The following ORC3 variants were observed in gnomAD, a reference collection of about 807,000 sequenced individuals.
ORC3 encodes homolog of latheo, Drosophila.
In ORC3, 78 loss-of-function variants were observed where a neutral mutation model predicts 100.7. That is an observed-to-expected ratio of 0.77 (90% CI 0.65 to 0.94). The LOEUF is 0.94. ORC3 is among the 40% of genes least tolerant of loss of function. The pLI is 0.00. For synonymous variants in ORC3, 295 were observed against 289.3 expected (o/e 1.02, Z -0.20); for missense variants, 789 against 823.9 (o/e 0.96, Z 0.52).
chr6:87,668,440 G>T (rs936517653), downstream of ORC3, among the ~76,000 whole-genome samples: 2 of 152,124 alleles, frequency 1.3e-5, no homozygotes, highest in African/African-American at 4.8e-5. Context: ...AACCCAAAAT[G>T]CTCCAGTGAG....
intron 17 of ORC3, 98 bp downstream of exon 17, chr6:87,663,242 A>G: frequency 3.2e-6 from 3 of 931,592 alleles, no homozygotes; most frequent in Non-Finnish European, 4.8e-6. Flanking sequence ...TAATGAGCAG[A>G]GAGTCGGCAA....
At chr6:87,604,574 T>G (rs1778195241) in intron 4 of ORC3, among the ~76,000 whole-genome samples, 1 of 152,238 alleles carries the variant, frequency 6.6e-6, no homozygotes, top group Non-Finnish European at 1.5e-5. Flanking sequence ...AGAACATTTT[T>G]CTAGTTAAAC....
intron 11 of ORC3, among the ~76,000 whole-genome samples, chr6:87,626,657 T>G (rs1328975670): frequency 6.6e-6 from 1 of 151,998 alleles, no homozygotes; most frequent in East Asian, 1.9e-4. Context: ...TGTGGTGGTG[T>G]GTGCTTGTTA....
At chr6:87,596,980 G>A (rs1481726275) in intron 2 of ORC3, among the ~76,000 whole-genome samples, 2 of 152,164 alleles carry the variant, frequency 1.3e-5, no homozygotes, top group Non-Finnish European at 2.9e-5. Flanking sequence ...TTAAGAAACT[G>A]ATATTAATAC....
intron 13 of ORC3, among the ~76,000 whole-genome samples, chr6:87,644,654 G>C (rs1395178996): frequency 6.6e-6 from 1 of 151,898 alleles, no homozygotes. Flanking sequence ...GAGTTAGCCA[G>C]CCTGGCTAAC....
At chr6:87,658,954 G>T (rs1769942568) in intron 16 of ORC3, among the ~76,000 whole-genome samples, 1 of 133,144 alleles carries the variant, frequency 7.5e-6, no homozygotes, top group South Asian at 2.5e-4. Context: ...TTTGGTGGAA[G>T]TTGGGCATGC....
chr6:87,637,090 T>C (rs1373084886), intron 13 of ORC3, among the ~76,000 whole-genome samples: 1 of 152,168 alleles, frequency 6.6e-6, no homozygotes, highest in African/African-American at 2.4e-5. Flanking sequence ...TAGTCTTCCA[T>C]AAAAAAATGA....
rs1778454525 is a variant in ORC3, at chr6:87,607,773, G to A, written c.528G>A (p.Lys176=). ...EEESVHVTQR[K]THYSMDSLSS... Reference sequence around the variant, plus strand: ...AAAGTGTTCACGTCACCCAAAGAAAGACACATTATTCAATGGATTCACTTT... The same window carrying A: ...AAAGTGTTCACGTCACCCAAAGAAAAACACATTATTCAATGGATTCACTTT... The change falls in exon 6 of 20, where the codon AAG becomes AAA. Residue 176 remains lysine, a synonymous_variant. Transcript: ENST00000392844. 6.2e-7 allele frequency: 1 copy of A among 1,612,686 alleles called. No homozygotes were observed. The highest frequency in any genetic ancestry group is 8.5e-7 in the Non-Finnish European group (1 of 1,178,884).
chr6:87,591,266 T>G (rs1221697216), intron 1 of ORC3, among the ~76,000 whole-genome samples: 11 of 152,226 alleles, frequency 7.2e-5, no homozygotes, highest in Non-Finnish European at 1.5e-4. Context: ...GCCCCTGAAG[T>G]TAAGCTGTCT....
intron 13 of ORC3, among the ~76,000 whole-genome samples, chr6:87,643,774 C>CA (rs1241489453): frequency 6.6e-6 from 1 of 152,088 alleles, no homozygotes; most frequent in Non-Finnish European, 1.5e-5. Flanking sequence ...TACAGTCATC[C>CA]ATCACTGTCT....
intron 11 of ORC3, among the ~76,000 whole-genome samples, chr6:87,632,025 A>G (rs1027253133): frequency 1.3e-5 from 2 of 151,982 alleles, no homozygotes; most frequent in Admixed American, 1.3e-4. Context: ...TTAACCAGGC[A>G]TTATGGCAGG....
At chr6:87,676,019 A>G in the ORC3 span, 1 of 1,111,808 alleles carries the variant, frequency 9.0e-7, no homozygotes, top group East Asian at 2.4e-5. Flanking sequence ...CAGTAAAACA[A>G]TTCTAAGTTG....
chr6:87,665,320 A>G (rs1054546807), intron 18 of ORC3, among the ~76,000 whole-genome samples: 6 of 152,234 alleles, frequency 3.9e-5, no homozygotes, highest in African/African-American at 1.4e-4. Context: ...AACTGTTGTT[A>G]TTCTTTAAAA....
chr6:87,597,678 T>C (rs13199302), intron 2 of ORC3, among the ~76,000 whole-genome samples: 56 of 136,738 alleles, frequency 4.1e-4, no homozygotes, highest in African/African-American at 1.1e-3. Flanking sequence ...GATATATATA[T>C]ATACACACAC....
chr6:87,677,285 A>G, the ORC3 span, among the ~76,000 whole-genome samples: 1 of 152,168 alleles, frequency 6.6e-6, no homozygotes, highest in East Asian at 1.9e-4. Context: ...TCTCTACATT[A>G]ACACCTCTAT....
chr6:87,668,944 T>C (rs1296577406), downstream of ORC3, among the ~76,000 whole-genome samples: 1 of 151,868 alleles, frequency 6.6e-6, no homozygotes, highest in Non-Finnish European at 1.5e-5. Flanking sequence ...GATTGTACCA[T>C]TGCATTCCAG....
At chr6:87,619,001 T>G (rs1426451487) in intron 9 of ORC3, among the ~76,000 whole-genome samples, 2 of 152,208 alleles carry the variant, frequency 1.3e-5, no homozygotes, top group East Asian at 1.9e-4. Context: ...AGATTTGGAC[T>G]GGAAATAGAT....
At chr6:87,624,144 G>T (rs1779723870) in intron 11 of ORC3, among the ~76,000 whole-genome samples, 3 of 152,140 alleles carry the variant, frequency 2.0e-5, no homozygotes, top group Admixed American at 2.0e-4. Flanking sequence ...AAAGTTAGCT[G>T]CAGGCTACCT....
At chr6:87,673,764 C>A in the ORC3 span, among the ~76,000 whole-genome samples, 1 of 151,670 alleles carries the variant, frequency 6.6e-6, no homozygotes, top group Admixed American at 6.6e-5. Context: ...TCACTTGAAC[C>A]CGGGAGGCGG....
Sources: allele counts gnomAD v4.1 joint callset (sites outside exome capture counted in the v4.1 genomes callset), GRCh38; gene constraint gnomAD v4.1.1; transcripts MANE v1.5; gene names NCBI Gene and HGNC (gene_info 2026-07-23, HGNC 2026-07-21).